XPO1: variants seen among roughly 807,000 people sequenced by gnomAD.
The protein encoded by XPO1 is exportin 1.
Under a neutral mutation model 133.3 loss-of-function variants are expected in XPO1, and 5 were observed. That is an observed-to-expected ratio of 0.04 (90% CI 0.02 to 0.08). The LOEUF is 0.08. Ranked by LOEUF, XPO1 falls within the 10% of genes least tolerant of loss-of-function variation. XPO1 has a pLI of 1.00. For synonymous variants in XPO1, 419 were observed against 408.2 expected, an observed-to-expected ratio of 1.03 and a Z score of -0.32; for missense variants, 506 against 1,267.5, an observed-to-expected ratio of 0.40 and a Z score of 9.12.
Position 61,492,836 on chromosome 2 carries a change from A to AC in XPO1, c.1384+78dup, listed in dbSNP as rs760199305. 1.3e-6 allele frequency: 2 copies of AC among 1,556,506 alleles called. No homozygotes were observed. Among genetic ancestry groups the AC allele is most frequent in the African/African-American group, 2.7e-5 (2 of 72,866 alleles). On this transcript the variant is annotated intron_variant, in intron 13 of 24. Transcript: ENST00000401558. This position sits in a 1 kb window ranked among gnomAD's most constrained non-coding sequence, Gnocchi z 5.6. ...TACATTTAGAAAATATTTAGAAACT[A>AC]CAAGTACATTTCCTAAAATGTATTT...
chr2:61,523,600 T>G (rs779771407), intron 3 of XPO1, among the ~76,000 whole-genome samples: 1 of 152,208 alleles, frequency 6.6e-6, no homozygotes, highest in African/African-American at 2.4e-5. Flanking sequence ...AGCTATAATA[T>G]CTGAAAGGTA....
intron 17 of XPO1, among the ~76,000 whole-genome samples, chr2:61,490,291 T>C (rs1157583468): frequency 1.3e-5 from 2 of 151,892 alleles, no homozygotes; most frequent in Non-Finnish European, 2.9e-5. Context: ...CTCTGCCTCT[T>C]GGGTTCAAGT....
intron 4 of XPO1, among the ~76,000 whole-genome samples, chr2:61,505,924 C>G (rs1697787003): frequency 6.6e-6 from 1 of 152,142 alleles, no homozygotes; most frequent in Non-Finnish European, 1.5e-5. Context: ...CTCACTACAT[C>G]TAATCAAAAA....
intron 4 of XPO1, among the ~76,000 whole-genome samples, chr2:61,517,023 C>T (rs1341936675): frequency 6.6e-6 from 1 of 152,104 alleles, no homozygotes; most frequent in Non-Finnish European, 1.5e-5. Context: ...CTTGCCTCAG[C>T]CTCTCAATTA....
At position 61,492,615 on chromosome 2, in the gene XPO1, T is replaced by C. The variant is rs774389345; in HGVS notation, c.1518A>G (p.Gly506=). 8.7e-6 allele frequency: 14 copies of C among 1,613,780 alleles called. 1 individual carries two copies. The East Asian group carries it at 1.6e-4, about 18-fold the overall frequency. ...TLCWAIGSIS[G]AMHEEDEKRF... The stretch of plus-strand genomic sequence containing the variant: ...GTTTTTCGTCCTCTTCATGCATTGC[T>C]CCACTAATGGAGCCTATTGCCCAAC... The change falls in exon 14 of 25, where the codon GGA becomes GGG. Residue 506 remains glycine (G), a synonymous_variant. Transcript: ENST00000401558. The surrounding 1 kb of genome is among the most constrained non-coding windows in gnomAD (Gnocchi z 5.6).
Position 61,488,695 on chromosome 2 carries a change from T to C in XPO1, c.2099A>G (p.Lys700Arg). The C allele has an allele frequency of 2.5e-6, 4 of 1,614,264 alleles. No homozygotes were observed. The highest frequency in any genetic ancestry group is 3.4e-6 in the Non-Finnish European group (4 of 1,180,048). The change falls in exon 18 of 25, where the codon AAA becomes AGA. Residue 700 changes from lysine to arginine, a missense_variant. Around this residue, in one of 6 missense-constraint regions of XPO1, gnomAD observed 60 missense variants for 211.0 expected, o/e 0.28. Transcript: ENST00000401558. ...AATTACAAAGGGGTGTCCAACAGCTTTGCAGGCTCTCACATTTGTTTTCAA... is the reference window on the plus strand; with the variant it reads ...AATTACAAAGGGGTGTCCAACAGCTCTGCAGGCTCTCACATTTGTTTTCAA... ...SILKTNVRAC[K>R]AVGHPFVIQL...
At chr2:61,495,337 G>A (rs1184192768) in intron 11 of XPO1, 118 bp downstream of exon 11, 1 of 776,112 alleles carries the variant, frequency 1.3e-6, no homozygotes, top group Non-Finnish European at 1.8e-6. Context: ...ATAATGTACT[G>A]ATCAAATATT....
intron 23 of XPO1, 134 bp downstream of exon 23, chr2:61,482,246 G>A (rs990403807): frequency 7.2e-5 from 32 of 441,988 alleles, no homozygotes; most frequent in Non-Finnish European, 9.1e-5. Context: ...ATCTTGTTTT[G>A]TTGTCTAGGT....
chr2:61,492,873 T>G lies in XPO1; in HGVS notation c.1384+42A>C. On this transcript the variant is annotated intron_variant, in intron 13 of 24. Transcript: ENST00000401558. The surrounding 1 kb of genome is among the most constrained non-coding windows in gnomAD (Gnocchi z 5.6). ...CCTAAAATGTATTTCCACCCCAGAA[T>G]AGATTTATAAAGGTAAAGATTAACA... is the stretch of plus-strand genomic sequence containing the variant. The G allele has an allele frequency of 3.2e-6, 5 of 1,571,062 alleles. No individual in the cohort carries two copies. Among genetic ancestry groups the G allele is most frequent in the Non-Finnish European group, 4.3e-6 (5 of 1,160,058 alleles).
rs757463423 is a variant in XPO1 at position 61,499,905 on chromosome 2, A to G, written c.409-11T>C. On this transcript the variant is annotated splice_polypyrimidine_tract_variant and intron_variant, in intron 6 of 24. Transcript: ENST00000401558. ...TTCTTGTTTCAGTATCTAAAACAAGACATGAAATGTTAATCGCACTTCATT... is the reference window on the plus strand; with the variant it reads ...TTCTTGTTTCAGTATCTAAAACAAGGCATGAAATGTTAATCGCACTTCATT... 2.5e-6 allele frequency: 4 copies of G among 1,596,814 alleles called. No individual in the cohort carries two copies. Among genetic ancestry groups the G allele is most frequent in the South Asian group, 2.3e-5 (2 of 86,500 alleles).
chr2:61,533,165 C>G (rs1699232407), intron 2 of XPO1, among the ~76,000 whole-genome samples: 2 of 152,100 alleles, frequency 1.3e-5, no homozygotes, highest in Non-Finnish European at 2.9e-5. Context: ...GACCACAGAG[C>G]GAGACTGTCT....
chr2:61,538,055 A>C lies in XPO1; in HGVS notation c.-500T>G, dbSNP rs1440858783. ...CTCCGGCGCTGGCCCCCCCCCCCCC[A>C]AGGCTCGCCTAAACTTTCCCCCCTT... On this transcript the variant is annotated 5_prime_UTR_variant, in exon 1 of 25. Coordinates refer to ENST00000401558, the MANE Select transcript of XPO1 (RefSeq NM_003400.4). The C allele has an allele frequency of 1.0e-4, 2 of 19,932 alleles. No homozygotes were observed. The highest frequency in any genetic ancestry group is 5.7e-4 in the Admixed American group (1 of 1,744). 1.2% of individuals were successfully genotyped at this position (19,932 alleles called of 1,614,324 possible). A position where few individuals can be genotyped will look rare whatever the true frequency, so the allele number is the denominator to read the frequency against.
In XPO1 at chr2:61,537,876, C is replaced by A; in HGVS notation, c.-321G>T. ...AAGGGGGAGGGAACGGGGTCAAGTC[C>A]CAAAGATTCAGCCCCAGGGGGACCC... is the stretch of plus-strand genomic sequence containing the variant. On this transcript the variant is annotated 5_prime_UTR_variant, in exon 1 of 25. Coordinates refer to ENST00000401558, the MANE Select transcript of XPO1 (RefSeq NM_003400.4). The A allele has an allele frequency of 6.4e-6, 1 of 157,066 alleles. No homozygotes were observed. The highest frequency in any genetic ancestry group is 1.4e-5 in the Non-Finnish European group (1 of 71,596). The allele number at this position is 157,066 out of a possible 1,614,324, so 9.7% of individuals were successfully genotyped here.
At chr2:61,536,677 T>C (rs1699366195) in intron 1 of XPO1, 1 of 152,010 alleles carries the variant, frequency 6.6e-6, no homozygotes, top group African/African-American at 2.4e-5. Flanking sequence ...TTTGCAGCCC[T>C]TCTAACTATA....
intron 8 of XPO1, 35 bp from the exon 9 acceptor site, chr2:61,498,827 CTAT>C (rs760525502): frequency 5.5e-5 from 89 of 1,608,476 alleles, no homozygotes; most frequent in East Asian, 3.8e-4. Context: ...AATTGCTTTC[CTAT>C]TATTGTTTTT....
intron 4 of XPO1, among the ~76,000 whole-genome samples, chr2:61,521,521 T>G (rs960331881): frequency 6.6e-6 from 1 of 152,158 alleles, no homozygotes; most frequent in Non-Finnish European, 1.5e-5. Flanking sequence ...CCCAAGAAAC[T>G]AATGTTGCCT....
At chr2:61,532,010 T>C (rs1425466140) in intron 2 of XPO1, among the ~76,000 whole-genome samples, 1 of 152,238 alleles carries the variant, frequency 6.6e-6, no homozygotes, top group Non-Finnish European at 1.5e-5. Flanking sequence ...CATAAGGGAA[T>C]GGAAACATTT....
chr2:61,500,575 T>C (rs1220487737), intron 6 of XPO1, among the ~76,000 whole-genome samples: 5 of 16,806 alleles, frequency 3.0e-4, no homozygotes, highest in East Asian at 3.8e-3. Context: ...TGAGACTCCA[T>C]CTCAAAAAAA....
At chr2:61,479,029 T>C in intron 24 of XPO1, 63 bp from the exon 25 acceptor site, 2 of 1,565,960 alleles carry the variant, frequency 1.3e-6, no homozygotes, top group East Asian at 4.5e-5. Context: ...AAAGAAATCA[T>C]AGATGAGCAA....
Sources: allele counts gnomAD v4.1 joint callset (sites outside exome capture counted in the v4.1 genomes callset), GRCh38; gene constraint gnomAD v4.1.1; regional missense constraint gnomAD v4.1.1; non-coding constraint Gnocchi (gnomAD v3.1); transcripts MANE v1.5; gene names NCBI Gene and HGNC (gene_info 2026-07-23, HGNC 2026-07-21).